ZNF680: variants seen among roughly 807,000 people sequenced by gnomAD.
ZNF680 encodes zinc finger protein 680.
ZNF680 carries 6 observed loss-of-function variants against 12.1 expected under a neutral mutation model. The observed-to-expected ratio is 0.49, with a 90% CI of 0.27 to 0.98. The LOEUF (loss-of-function observed/expected upper bound fraction) is 0.98, where lower values mean the gene tolerates loss of function less well. Among genes scored for constraint, ZNF680 ranks in the 50% least tolerant of loss-of-function variants. The pLI, the probability that ZNF680 is intolerant of heterozygous loss-of-function variation, is 0.12. For synonymous variants in ZNF680, 170 were observed against 199.3 expected (o/e 0.85, Z 1.24); for missense variants, 561 against 616.3 (o/e 0.91, Z 0.95).
chr7:64,508,169 G>C, the ZNF680 span, among the ~76,000 whole-genome samples: 1 of 111,982 alleles, frequency 8.9e-6, no homozygotes, highest in African/African-American at 5.3e-5. Context: ...TTTTGAGACA[G>C]AGTCTTGCTC....
At chr7:64,501,993 A>ATT in the ZNF680 span, among the ~76,000 whole-genome samples, 2 of 96,324 alleles carry the variant, frequency 2.1e-5, no homozygotes, top group Admixed American at 1.1e-4. Context: ...AAAAGGACGT[A>ATT]TTTCTTTTTT....
chr7:64,535,181 C>T (rs988080429), intron 3 of ZNF680, among the ~76,000 whole-genome samples: 3 of 152,070 alleles, frequency 2.0e-5, no homozygotes, highest in African/African-American at 7.2e-5. Flanking sequence ...TGAGACCAGT[C>T]TGGACAACAT....
At chr7:64,559,203 G>A (rs887499089) in intron 1 of ZNF680, among the ~76,000 whole-genome samples, 1 of 152,156 alleles carries the variant, frequency 6.6e-6, no homozygotes, top group South Asian at 2.1e-4. Context: ...CCAGTTCCCA[G>A]CTTTACTTTT....
intron 3 of ZNF680, among the ~76,000 whole-genome samples, chr7:64,540,893 T>A (rs1455369867): frequency 2.0e-5 from 3 of 152,076 alleles, no homozygotes; most frequent in African/African-American, 7.2e-5. Flanking sequence ...TGTGTTGCAA[T>A]AAAATTTCAG....
intron 3 of ZNF680, among the ~76,000 whole-genome samples, chr7:64,528,867 G>A (rs1045048834): frequency 6.6e-6 from 1 of 152,238 alleles, no homozygotes; most frequent in East Asian, 1.9e-4. Context: ...AGGCAAATCA[G>A]CACAATAAGA....
intron 1 of ZNF680, among the ~76,000 whole-genome samples, chr7:64,553,082 G>A (rs945250822): frequency 2.2e-4 from 32 of 148,668 alleles, no homozygotes; most frequent in African/African-American, 6.5e-4. Context: ...CTGAGACTGC[G>A]CCACTGCACT....
chr7:64,544,581 T>G, intron 1 of ZNF680, 149 bp from the exon 2 acceptor site: 1 of 1,341,478 alleles, frequency 7.5e-7, no homozygotes. Flanking sequence ...AATTATACAA[T>G]AAAATAAATT....
intron 1 of ZNF680, among the ~76,000 whole-genome samples, chr7:64,559,849 AGAT>A (rs1280959494): frequency 6.6e-6 from 1 of 152,174 alleles, no homozygotes; most frequent in African/African-American, 2.4e-5. Flanking sequence ...TATTCCTTTT[AGAT>A]AATAAATGTA....
At position 64,539,215 on chromosome 7, in the gene ZNF680, C is replaced by A. The variant is rs138623173; in HGVS notation, c.253+4492G>T. On this transcript the variant is annotated intron_variant, in intron 3 of 3. Coordinates refer to ENST00000309683, the MANE Select transcript of ZNF680 (RefSeq NM_178558.5). Reference sequence around the variant, plus strand: ...ACATAAAAAAAGTAACATATGTATACAATGGAATATTATTCAGCCTTAAAA... The same window carrying A: ...ACATAAAAAAAGTAACATATGTATAAAATGGAATATTATTCAGCCTTAAAA... Among the ~76,000 whole-genome samples, 267 of 144,078 alleles carry A rather than the reference C, an allele frequency of 1.9e-3. 1 individual carries two copies. The highest frequency in any genetic ancestry group is 5.8e-3 in the Admixed American group (83 of 14,368). The allele number at this position is 144,078 out of a possible 152,430, so 94.5% of individuals were successfully genotyped here.
intron 1 of ZNF680, among the ~76,000 whole-genome samples, chr7:64,552,864 G>A (rs1270321535): frequency 6.6e-6 from 1 of 152,108 alleles, no homozygotes; most frequent in Non-Finnish European, 1.5e-5. Context: ...GGTGGCTCAC[G>A]CCAGTAATCC....
intron 1 of ZNF680, 70 bp downstream of exon 1, chr7:64,562,855 G>T: frequency 6.3e-7 from 1 of 1,585,728 alleles, no homozygotes; most frequent in Non-Finnish European, 8.7e-7. Flanking sequence ...CTGGAGTCCT[G>T]CCACAGCCAC....
chr7:64,541,086 T>A, intron 3 of ZNF680, among the ~76,000 whole-genome samples: 1 of 152,294 alleles, frequency 6.6e-6, no homozygotes, highest in East Asian at 1.9e-4. Flanking sequence ...AATTATATAT[T>A]TTGCAGAATA....
chr7:64,559,098 T>C (rs139913392), intron 1 of ZNF680, among the ~76,000 whole-genome samples: 2 of 152,258 alleles, frequency 1.3e-5, no homozygotes, highest in East Asian at 3.9e-4. Flanking sequence ...CCCCCTTCTC[T>C]CTCTCCCTCA....
chr7:64,543,582 G>A (rs1786620212), intron 3 of ZNF680, 125 bp downstream of exon 3: 2 of 764,816 alleles, frequency 2.6e-6, no homozygotes, highest in African/African-American at 3.6e-5. Flanking sequence ...AAGAAACTGA[G>A]CTTCCCAAAA....
In ZNF680 at chr7:64,521,843, T is replaced by G; in HGVS notation, c.911A>C (p.Asn304Thr). 6.2e-7 allele frequency: 1 copy of G among 1,613,498 alleles called. No homozygotes were observed. Among genetic ancestry groups the G allele is most frequent in the South Asian group, 1.1e-5 (1 of 91,058 alleles). The change falls in exon 4 of 4, where the codon AAC becomes ACC. Residue 304 changes from asparagine (N) to threonine (T), a missense_variant. By Grantham distance (65) the Asn-to-Thr change is moderately conservative. Coordinates refer to ENST00000309683, the MANE Select transcript of ZNF680 (RefSeq NM_178558.5). ...ATGGTTAGTAAGGGTTGCAAACCAG[T>G]TAAAGGCTTTGTGACATTCATCACA... ...YKCDECHKAF[N>T]WFATLTNHKR...
At position 64,522,364 on chromosome 7, in the gene ZNF680, A is replaced by G. The variant is rs1791592663; in HGVS notation, c.390T>C (p.Asp130=). ...LQLRISCKSV[D]ESKVFKEGYN... The stretch of plus-strand genomic sequence containing the variant: ...AACCTTCTTTGAACACCTTAGACTC[A>G]TCCACACTTTTACAACTTATTCTTA... The change falls in exon 4 of 4, where the codon GAT becomes GAC. Residue 130 remains aspartate, a synonymous_variant. Transcript: ENST00000309683. The G allele has an allele frequency of 1.2e-6, 2 of 1,612,308 alleles. No homozygotes were observed. The highest frequency in any genetic ancestry group is 2.7e-5 in the African/African-American group (2 of 74,884).
At chr7:64,545,302 T>C (rs1786732511) in intron 1 of ZNF680, among the ~76,000 whole-genome samples, 1 of 149,980 alleles carries the variant, frequency 6.7e-6, no homozygotes, top group Admixed American at 6.7e-5. Context: ...AGATCCTGTG[T>C]TTTCCCAGTT....
chr7:64,500,809 A>T, the ZNF680 span: 1 of 368,196 alleles, frequency 2.7e-6, no homozygotes, highest in Non-Finnish European at 5.5e-6. Context: ...GCTTTGTGGG[A>T]ACCTTATCAA....
At chr7:64,514,668 A>G in the ZNF680 span, among the ~76,000 whole-genome samples, 1 of 152,190 alleles carries the variant, frequency 6.6e-6, no homozygotes, top group African/African-American at 2.4e-5. Flanking sequence ...TAATATTTAT[A>G]AATATCAAGC....
Sources: allele counts gnomAD v4.1 joint callset (sites outside exome capture counted in the v4.1 genomes callset), GRCh38; gene constraint gnomAD v4.1.1; transcripts MANE v1.5; gene names NCBI Gene and HGNC (gene_info 2026-07-23, HGNC 2026-07-21).